The following LRP1B variants were observed in gnomAD, a reference collection of about 807,000 sequenced individuals.
The protein encoded by LRP1B is low-density lipoprotein receptor-related protein 1B.
In LRP1B, 217 loss-of-function variants were observed where a neutral mutation model predicts 556.6. The ratio of observed to expected loss-of-function variants is 0.39; its 90% CI spans 0.35 to 0.44. The LOEUF (loss-of-function observed/expected upper bound fraction) is 0.44. Ranked by LOEUF, LRP1B falls within the 20% of genes least tolerant of loss-of-function variation. The probability of loss-of-function intolerance (pLI) is 1.00; values close to 1 mark genes in which losing one functional copy is unlikely to be tolerated. For synonymous variants in LRP1B, 2,047 were observed against 1,865.8 expected, an observed-to-expected ratio of 1.10 and a Z score of -2.50; for missense variants, 5,053 against 5,620.8, an observed-to-expected ratio of 0.90 and a Z score of 3.23.
chr2:142,115,809 T>TATATTATATATGTAA (rs1707240332), intron 1 of LRP1B, among the ~76,000 whole-genome samples: 1 of 9,874 alleles, frequency 1.0e-4, no homozygotes, highest in African/African-American at 2.2e-4. Context: ...GTAATATATA[T>TATATTATATATGTAA]CATATATATG....
rs149203321 is a variant in LRP1B, at chr2:141,174,124, C to T, written c.1013+14297G>A. Among the ~76,000 whole-genome samples the T allele has an allele frequency of 1.7e-3, 265 of 151,984 alleles. 2 individuals are homozygous for T. The highest frequency in any genetic ancestry group is 6.2e-3 in the African/African-American group (258 of 41,480). On this transcript the variant is annotated intron_variant, in intron 7 of 90. Coordinates refer to ENST00000389484, the MANE Select transcript of LRP1B (RefSeq NM_018557.3). ...GATAAGCTAATGTGTATTTAAAGTC[C>T]AAGACTCCAAATCTGGAAAACAAGA... is the stretch of plus-strand genomic sequence containing the variant.
At chr2:141,050,162 TAGTA>T (rs1196632203) in intron 10 of LRP1B, among the ~76,000 whole-genome samples, 1 of 151,708 alleles carries the variant, frequency 6.6e-6, no homozygotes, top group African/African-American at 2.4e-5. Context: ...TTGATATTCA[TAGTA>T]AAGTAAAATA....
At chr2:141,440,490 G>C (rs181475399) in intron 3 of LRP1B, among the ~76,000 whole-genome samples, 3 of 152,188 alleles carry the variant, frequency 2.0e-5, no homozygotes, top group Admixed American at 6.5e-5. Context: ...CAGCAACCAG[G>C]GTATCCGGGC....
At chr2:140,755,880 G>C (rs1004814240) in intron 35 of LRP1B, among the ~76,000 whole-genome samples, 1 of 151,786 alleles carries the variant, frequency 6.6e-6, no homozygotes, top group African/African-American at 2.4e-5. Flanking sequence ...AGGAGGAGGA[G>C]GAGTAAAAGG....
At chr2:141,882,781 C>T (rs1050239708) in intron 1 of LRP1B, among the ~76,000 whole-genome samples, 8 of 152,172 alleles carry the variant, frequency 5.3e-5, no homozygotes, top group African/African-American at 1.9e-4. Context: ...AATCACAGCT[C>T]ACTGTAACCT....
intron 21 of LRP1B, among the ~76,000 whole-genome samples, chr2:140,911,272 C>G (rs935793310): frequency 6.6e-6 from 1 of 151,652 alleles, no homozygotes; most frequent in East Asian, 1.9e-4. Context: ...AGACTTGTCT[C>G]TATTTGAATT....
chr2:141,417,736 T>C (rs1559059350), intron 3 of LRP1B, among the ~76,000 whole-genome samples: 1 of 151,184 alleles, frequency 6.6e-6, no homozygotes, highest in Non-Finnish European at 1.5e-5. Context: ...AAAGAAGTAT[T>C]GCTGCATCAT....
At chr2:141,599,414 C>A (rs1204300180) in intron 2 of LRP1B, among the ~76,000 whole-genome samples, 3 of 152,000 alleles carry the variant, frequency 2.0e-5, no homozygotes, top group Non-Finnish European at 4.4e-5. Context: ...ATGTCCAGAT[C>A]CAAAAACTTC....
At chr2:141,532,275 G>A (rs1314124728) in intron 2 of LRP1B, among the ~76,000 whole-genome samples, 2 of 151,268 alleles carry the variant, frequency 1.3e-5, no homozygotes, top group Non-Finnish European at 2.9e-5. Flanking sequence ...ATTTTCTGGT[G>A]TTTTTTGGGC....
intron 1 of LRP1B, among the ~76,000 whole-genome samples, chr2:142,051,539 G>A (rs544338597): frequency 2.1e-4 from 32 of 151,588 alleles, no homozygotes; most frequent in African/African-American, 3.9e-4. Context: ...GTACAGTGGC[G>A]CGATCTTGGC....
chr2:142,115,303 G>T (rs72851467), intron 1 of LRP1B, among the ~76,000 whole-genome samples: 2 of 148,688 alleles, frequency 1.3e-5, no homozygotes, highest in Admixed American at 6.9e-5. Flanking sequence ...ATAAGAAAGC[G>T]CTCAAAAAAG....
chr2:140,462,067 C>G (rs2030241), intron 60 of LRP1B, among the ~76,000 whole-genome samples: 7,488 of 152,186 alleles, frequency 0.049, 268 homozygotes, highest in Non-Finnish European at 0.057. Context: ...ATGCTTCACC[C>G]TATGACTATG....
intron 2 of LRP1B, among the ~76,000 whole-genome samples, chr2:141,676,104 A>G (rs571778921): frequency 6.6e-6 from 1 of 152,108 alleles, no homozygotes; most frequent in East Asian, 1.9e-4. Flanking sequence ...ATACTTATGA[A>G]TGGATTGTAT....
At chr2:141,250,306 C>A (rs1052381195) in intron 4 of LRP1B, among the ~76,000 whole-genome samples, 3 of 152,050 alleles carry the variant, frequency 2.0e-5, no homozygotes, top group Non-Finnish European at 2.9e-5. Flanking sequence ...CATGAAAATA[C>A]CAAACAGTGG....
intron 1 of LRP1B, among the ~76,000 whole-genome samples, chr2:142,049,346 CT>C (rs1704367793): frequency 1.3e-5 from 2 of 152,062 alleles, no homozygotes; most frequent in South Asian, 4.1e-4. Flanking sequence ...ACTCTTATAT[CT>C]TGCTTACATC....
intron 1 of LRP1B, among the ~76,000 whole-genome samples, chr2:142,113,247 T>C (rs941788861): frequency 2.6e-5 from 4 of 152,050 alleles, no homozygotes; most frequent in African/African-American, 9.7e-5. Context: ...TTCAGAAGGA[T>C]CATTTCCTAA....
chr2:141,648,833 G>T (rs1316808606), intron 2 of LRP1B, among the ~76,000 whole-genome samples: 2 of 152,346 alleles, frequency 1.3e-5, no homozygotes, highest in South Asian at 4.1e-4. Flanking sequence ...TCTCGGATGT[G>T]TTCTGGCTCT....
chr2:141,782,037 C>T (rs1020860237), intron 2 of LRP1B, among the ~76,000 whole-genome samples: 1 of 152,124 alleles, frequency 6.6e-6, no homozygotes, highest in Non-Finnish European at 1.5e-5. Flanking sequence ...ACAAAAAACA[C>T]CTCAAGACTG....
intron 2 of LRP1B, among the ~76,000 whole-genome samples, chr2:141,676,407 T>C (rs947752918): frequency 6.6e-6 from 1 of 152,194 alleles, no homozygotes; most frequent in Admixed American, 6.5e-5. Context: ...TGTCCTCTTT[T>C]ATAGGTGCCT....
Sources: allele counts gnomAD v4.1 joint callset (sites outside exome capture counted in the v4.1 genomes callset), GRCh38; gene constraint gnomAD v4.1.1; transcripts MANE v1.5; gene names NCBI Gene and HGNC (gene_info 2026-07-23, HGNC 2026-07-21).